Variants in ZNF469 observed in about 807,000 individuals in gnomAD.
The protein encoded by ZNF469 is zinc finger protein 469.
In ZNF469, 1 loss-of-function variant was observed where a neutral mutation model predicts 1.0. The observed-to-expected ratio is 1.00, with a 90% CI of 0.35 to 4.73. The LOEUF (loss-of-function observed/expected upper bound fraction) is 4.73. Ranked by LOEUF, ZNF469 falls within the 30% of genes most tolerant of loss-of-function variation. The pLI is 0.16. For missense variants in ZNF469, 6,100 were observed against 5,356.3 expected, an observed-to-expected ratio of 1.14 and a Z score of -4.33; for synonymous variants, 2,703 against 2,363.4, an observed-to-expected ratio of 1.14 and a Z score of -4.17.
chr16:88,279,228 A>AGTG, the ZNF469 span, among the ~76,000 whole-genome samples: 1 of 135,260 alleles, frequency 7.4e-6, no homozygotes, highest in African/African-American at 2.6e-5. Flanking sequence ...TGTAGATATC[A>AGTG]CTGCACGGTT....
the ZNF469 span, among the ~76,000 whole-genome samples, chr16:88,138,356 G>C: frequency 6.6e-6 from 1 of 152,158 alleles, no homozygotes; most frequent in African/African-American, 2.4e-5. Flanking sequence ...CCAAAGTCTT[G>C]GCAGGGGATG....
the ZNF469 span, among the ~76,000 whole-genome samples, chr16:88,123,907 G>A: frequency 6.6e-6 from 1 of 152,130 alleles, no homozygotes; most frequent in African/African-American, 2.4e-5. Context: ...AGGTTCAAGC[G>A]ATTCTCCTGT....
the ZNF469 span, among the ~76,000 whole-genome samples, chr16:88,357,197 C>G: frequency 6.6e-6 from 1 of 152,194 alleles, no homozygotes; most frequent in Admixed American, 6.5e-5. Flanking sequence ...GCCCTGGACC[C>G]GGGTTTGAAT....
chr16:88,155,606 C>T, the ZNF469 span, among the ~76,000 whole-genome samples: 3 of 152,224 alleles, frequency 2.0e-5, no homozygotes, highest in African/African-American at 7.2e-5. Flanking sequence ...AAATGGCGTT[C>T]TCCATCTATG....
At position 88,433,322 on chromosome 16, in the gene ZNF469, C is replaced by G; in HGVS notation, c.5852C>G (p.Ala1951Gly). ...GGCACTGTGGAAGGAGGGAAGGTGG[C>G]CTGTGGCCCCGCCCAGGGCTCCCCA... ...EGGTVEGGKVACGPAQGSPGG... is the reference protein window; with the variant it reads ...EGGTVEGGKVGCGPAQGSPGG... Residue 1951 changes from alanine (A) to glycine (G), a missense_variant, in exon 3 of 3, where the codon GCC (alanine) becomes GGC (glycine). Physicochemically the swap from Ala to Gly is moderately conservative, Grantham distance 60. Coordinates refer to ENST00000565624, the MANE Select transcript of ZNF469 (RefSeq NM_001367624.2). 6.5e-7 allele frequency: 1 copy of G among 1,550,306 alleles called. No homozygotes were observed.
the ZNF469 span, among the ~76,000 whole-genome samples, chr16:88,221,682 G>C: frequency 1.3e-5 from 2 of 152,224 alleles, no homozygotes; most frequent in African/African-American, 4.8e-5. Flanking sequence ...CCACACACCG[G>C]GGGGCTTCAA....
At chr16:88,201,400 C>T in the ZNF469 span, among the ~76,000 whole-genome samples, 4 of 151,996 alleles carry the variant, frequency 2.6e-5, no homozygotes, top group African/African-American at 9.7e-5. The surrounding 1 kb of genome is among the most constrained non-coding windows in gnomAD (Gnocchi z 5.0). Flanking sequence ...ACTACAAATA[C>T]AAAAATTAGC....
the ZNF469 span, among the ~76,000 whole-genome samples, chr16:88,316,794 G>A: frequency 2.6e-5 from 4 of 152,074 alleles, no homozygotes; most frequent in South Asian, 2.1e-4. Flanking sequence ...TGATCCACCC[G>A]CCTCAGCCTC....
Position 88,435,039 on chromosome 16 carries a change from C to T in ZNF469, c.7569C>T (p.Cys2523=), listed in dbSNP as rs1906472032. Residue 2523 remains cysteine (C), a synonymous_variant, in exon 3 of 3, where the codon TGC becomes TGT. Transcript: ENST00000565624. ...QQPLEPLAQK[C]QPPRKKSHRV... ...CTCTAGAGCCCCTAGCCCAAAAGTG[C>T]CAGCCGCCCAGGAAGAAAAGCCACA... 6.5e-7 allele frequency: 1 copy of T among 1,550,264 alleles called. No individual in the cohort carries two copies.
At chr16:88,301,070 A>C in the ZNF469 span, among the ~76,000 whole-genome samples, 1 of 152,158 alleles carries the variant, frequency 6.6e-6, no homozygotes, top group Non-Finnish European at 1.5e-5. Context: ...CTCAAAAAAA[A>C]AGAAAGAAAA....
the ZNF469 span, among the ~76,000 whole-genome samples, chr16:88,293,742 C>T: frequency 5.3e-5 from 8 of 152,288 alleles, no homozygotes; most frequent in Admixed American, 2.0e-4. Flanking sequence ...GAGACCAGCA[C>T]TAAATAAATA....
chr16:88,103,537 T>TC, the ZNF469 span, among the ~76,000 whole-genome samples: 3 of 151,894 alleles, frequency 2.0e-5, no homozygotes, highest in African/African-American at 4.8e-5. Flanking sequence ...GCCCTCCTTG[T>TC]CCCCCCCGAA....
At chr16:88,366,332 C>T in the ZNF469 span, among the ~76,000 whole-genome samples, 2 of 150,300 alleles carry the variant, frequency 1.3e-5, no homozygotes, top group Non-Finnish European at 1.5e-5. Flanking sequence ...ATTATCATTA[C>T]TGTCACCACC....
the ZNF469 span, among the ~76,000 whole-genome samples, chr16:88,136,421 G>A: frequency 6.6e-6 from 1 of 152,360 alleles, no homozygotes; most frequent in East Asian, 1.9e-4. Context: ...TGTTGCAGCC[G>A]TCTCCGGCTT....
the ZNF469 span, among the ~76,000 whole-genome samples, chr16:88,246,911 A>T: frequency 6.7e-6 from 1 of 150,250 alleles, no homozygotes; most frequent in Non-Finnish European, 1.5e-5. Context: ...GAATGAGTCA[A>T]TCAGTGAAGG....
chr16:88,391,670 G>A (rs544192732), intron 1 of ZNF469, among the ~76,000 whole-genome samples: 4 of 152,346 alleles, frequency 2.6e-5, no homozygotes, highest in African/African-American at 4.8e-5. Flanking sequence ...GGAGCAGTGC[G>A]GTCTGTGGCC....
Position 88,434,573 on chromosome 16 carries a change from G to T in ZNF469, c.7103G>T (p.Gly2368Val), listed in dbSNP as rs558575823. The T allele has an allele frequency of 6.5e-7, 1 of 1,550,200 alleles. No individual in the cohort carries two copies. The highest frequency in any genetic ancestry group is 8.7e-7 in the Non-Finnish European group (1 of 1,146,922). The change falls in exon 3 of 3, where the codon GGT becomes GTT. Residue 2368 changes from glycine (G) to valine (V), a missense_variant. Transcript: ENST00000565624. Reference sequence around the variant, plus strand: ...CCGGACTCCCCCGCCTGCCTGGAAGGTGAGATGGGGACCAGCAGCAAGGAG... The same window carrying T: ...CCGGACTCCCCCGCCTGCCTGGAAGTTGAGATGGGGACCAGCAGCAAGGAG... The part of the protein sequence containing the change: ...AGPDSPACLE[G>V]EMGTSSKEPE...
the ZNF469 span, among the ~76,000 whole-genome samples, chr16:88,148,293 TG>T: frequency 6.6e-6 from 1 of 152,030 alleles, no homozygotes; most frequent in Non-Finnish European, 1.5e-5. Flanking sequence ...ACCACCCCCA[TG>T]GGGCCTGCAG....
At chr16:88,307,071 T>C in the ZNF469 span, among the ~76,000 whole-genome samples, 1 of 152,228 alleles carries the variant, frequency 6.6e-6, no homozygotes, top group Non-Finnish European at 1.5e-5. Flanking sequence ...TTCCCTGTTC[T>C]GGGCATTTCA....
Sources: allele counts gnomAD v4.1 joint callset (sites outside exome capture counted in the v4.1 genomes callset), GRCh38; gene constraint gnomAD v4.1.1; non-coding constraint Gnocchi (gnomAD v3.1); transcripts MANE v1.5; gene names NCBI Gene and HGNC (gene_info 2026-07-23, HGNC 2026-07-21).